Variants in LRMDA observed in about 807,000 individuals in gnomAD.
LRMDA encodes the protein leucine rich melanocyte differentiation associated, also known as leucine-rich melanocyte differentiation-associated protein.
In LRMDA, 18 loss-of-function variants were observed where a neutral mutation model predicts 29.8. That is an observed-to-expected ratio of 0.60 (90% CI 0.42 to 0.90). LRMDA has a LOEUF of 0.90. LRMDA is among the 40% of genes least tolerant of loss of function. The pLI is 0.00. For missense variants in LRMDA, 273 were observed against 273.9 expected (o/e 1.00, Z 0.02); for synonymous variants, 125 against 109.4 (o/e 1.14, Z -0.89).
In LRMDA at chr10:76,228,096, A is replaced by G. The variant is rs542479078; in HGVS notation, c.517-96305A>G. ...GAATGCAGTGGTGTGATCTTTGCTC[A>G]CTGCAACGTCCGCCTCCCGGGTTCA... On this transcript the variant is annotated intron_variant, in intron 5 of 6. Coordinates refer to ENST00000611255, the MANE Select transcript of LRMDA (RefSeq NM_001305581.2). Among the ~76,000 whole-genome samples, 21 of 150,540 alleles carry G rather than the reference A, an allele frequency of 1.4e-4. No individual in the cohort carries two copies. The East Asian group carries it at 3.9e-3, about 28-fold the overall frequency.
chr10:75,509,552 T>C (rs955206006), intron 2 of LRMDA, among the ~76,000 whole-genome samples: 9 of 152,188 alleles, frequency 5.9e-5, no homozygotes, highest in African/African-American at 1.9e-4. Flanking sequence ...CATGATTTGC[T>C]GTATTTCTTC....
In LRMDA at chr10:76,524,656, C is replaced by T. The variant is rs79342113; in HGVS notation, c.602-32553C>T. ...CCTTTTGAACGGTGTCCAATGACTT[C>T]GAATAACCATGTGTTCTCTTTTGGA... On this transcript the variant is annotated intron_variant, in intron 6 of 6. Transcript: ENST00000611255. Among the ~76,000 whole-genome samples the T allele has an allele frequency of 5.2e-4, 79 of 152,274 alleles. No individual in the cohort carries two copies. In the South Asian group the frequency reaches 0.01, roughly 20 times the overall value.
intron 5 of LRMDA, among the ~76,000 whole-genome samples, chr10:76,125,134 A>G (rs1040897220): frequency 2.4e-4 from 36 of 152,326 alleles, no homozygotes; most frequent in Middle Eastern, 3.4e-3. Flanking sequence ...AAGCAAATAG[A>G]TATTTATTTC....
chr10:75,569,183 C>T (rs1840407612), intron 2 of LRMDA, among the ~76,000 whole-genome samples: 1 of 152,142 alleles, frequency 6.6e-6, no homozygotes, highest in Non-Finnish European at 1.5e-5. Flanking sequence ...TCATAGCTCT[C>T]TGGAATGGGT....
rs12766765 is a variant in LRMDA at position 75,621,234 on chromosome 10, C to G, written c.131+182740C>G. On this transcript the variant is annotated intron_variant, in intron 2 of 6. Coordinates refer to ENST00000611255, the MANE Select transcript of LRMDA (RefSeq NM_001305581.2). ...CACACACACACACACACCCACACAC[C>G]CACACACACACCACATTTTCTTTAT... Among the ~76,000 whole-genome samples the G allele has an allele frequency of 7.4e-4, 107 of 144,372 alleles. 1 individual carries two copies. The highest frequency in any genetic ancestry group is 1.4e-3 in the Non-Finnish European group (96 of 66,448). The allele number at this position is 144,372 out of a possible 152,430, so 94.7% of individuals were successfully genotyped here.
intron 5 of LRMDA, among the ~76,000 whole-genome samples, chr10:76,294,570 C>CT (rs1277940954): frequency 6.6e-6 from 1 of 152,042 alleles, no homozygotes; most frequent in Admixed American, 6.6e-5. Flanking sequence ...GGAAAAAGGC[C>CT]TTTTTTATTA....
At chr10:75,701,232 C>T (rs931604878) in intron 2 of LRMDA, among the ~76,000 whole-genome samples, 1 of 152,146 alleles carries the variant, frequency 6.6e-6, no homozygotes, top group Non-Finnish European at 1.5e-5. Flanking sequence ...GAGAATCTGC[C>T]AACCATACCA....
chr10:76,324,263 C>A, intron 5 of LRMDA, 138 bp from the exon 6 acceptor site: 1 of 780,968 alleles, frequency 1.3e-6, no homozygotes, highest in Non-Finnish European at 2.2e-6. Flanking sequence ...ACAAAAACAG[C>A]TCTTGCTTCC....
chr10:76,025,318 C>A (rs1589293392), intron 2 of LRMDA, among the ~76,000 whole-genome samples: 1 of 147,878 alleles, frequency 6.8e-6, no homozygotes, highest in Non-Finnish European at 1.5e-5. Context: ...TGCTCCTTGT[C>A]TCTGTCCTTA....
chr10:76,148,935 T>C (rs1589351025), intron 5 of LRMDA, among the ~76,000 whole-genome samples: 1 of 152,360 alleles, frequency 6.6e-6, no homozygotes, highest in African/African-American at 2.4e-5. Flanking sequence ...GCTGAGTCTT[T>C]AGTTATGCAT....
intron 1 of LRMDA, among the ~76,000 whole-genome samples, chr10:75,433,538 G>GT (rs1251301176): frequency 6.6e-6 from 1 of 152,068 alleles, no homozygotes; most frequent in African/African-American, 2.4e-5. Context: ...CCCGGAGGTG[G>GT]TTTTTTTGTT....
rs1369584350 is a variant in LRMDA, at chr10:76,558,373, A to C, written c.*1085A>C. On this transcript the variant is annotated 3_prime_UTR_variant, in exon 7 of 7. Coordinates refer to ENST00000611255, the MANE Select transcript of LRMDA (RefSeq NM_001305581.2). ...CTTTGTCATGACCTCTCAGAAATCA[A>C]ATCCACAGGTTGTGAGACAGTGCTC... 1 of 152,216 alleles carries C rather than the reference A, an allele frequency of 6.6e-6. No homozygotes were observed. Among genetic ancestry groups the C allele is most frequent in the Non-Finnish European group, 1.5e-5 (1 of 68,042 alleles). 9.4% of individuals were successfully genotyped at this position (152,216 alleles called of 1,614,324 possible). A position where few individuals can be genotyped will look rare whatever the true frequency, so the allele number is the denominator to read the frequency against.
chr10:75,789,919 C>G (rs372787953), intron 2 of LRMDA, among the ~76,000 whole-genome samples: 15 of 152,130 alleles, frequency 9.9e-5, no homozygotes, highest in East Asian at 9.7e-4. Context: ...TAGGGATGGA[C>G]AATAATTGAA....
At chr10:76,352,357 C>T (rs756428214) in intron 6 of LRMDA, among the ~76,000 whole-genome samples, 24 of 152,056 alleles carry the variant, frequency 1.6e-4, no homozygotes, top group African/African-American at 5.3e-4. Context: ...AGCATCACTA[C>T]GCTTGCACTT....
At chr10:76,076,171 G>A (rs1026657954) in intron 5 of LRMDA, among the ~76,000 whole-genome samples, 68 of 151,736 alleles carry the variant, frequency 4.5e-4, no homozygotes, top group African/African-American at 1.5e-3. Context: ...GTGAAAACCC[G>A]TCTCTACTAA....
intron 2 of LRMDA, among the ~76,000 whole-genome samples, chr10:75,744,101 G>T (rs549320820): frequency 1.0e-3 from 158 of 152,326 alleles, no homozygotes; most frequent in Non-Finnish European, 1.9e-3. Context: ...TGACAATTAG[G>T]TTACTGTTTT....
At chr10:75,640,822 T>C (rs1433006580) in intron 2 of LRMDA, among the ~76,000 whole-genome samples, 1 of 152,214 alleles carries the variant, frequency 6.6e-6, no homozygotes, top group African/African-American at 2.4e-5. Flanking sequence ...AGTGATATTT[T>C]ATATTTTTTT....
At chr10:76,538,312 A>G (rs990968406) in intron 6 of LRMDA, among the ~76,000 whole-genome samples, 4 of 151,318 alleles carry the variant, frequency 2.6e-5, no homozygotes, top group African/African-American at 9.7e-5. Flanking sequence ...TCCTTCCCAC[A>G]TTCTTTTTGG....
chr10:76,529,019 C>T (rs182341983), intron 6 of LRMDA, among the ~76,000 whole-genome samples: 42 of 152,272 alleles, frequency 2.8e-4, no homozygotes, highest in Admixed American at 1.8e-3. Flanking sequence ...TTAATAATAA[C>T]TCTGCCATTC....
Sources: allele counts gnomAD v4.1 joint callset (sites outside exome capture counted in the v4.1 genomes callset), GRCh38; gene constraint gnomAD v4.1.1; transcripts MANE v1.5; gene names NCBI Gene and HGNC (gene_info 2026-07-23, HGNC 2026-07-21).